UBE3A: variants seen among roughly 807,000 people sequenced by gnomAD.
The protein encoded by UBE3A is ubiquitin protein ligase E3A.
In UBE3A, 6 loss-of-function variants were observed where a neutral mutation model predicts 83.4. The observed-to-expected ratio is 0.07, with a 90% CI of 0.04 to 0.14. UBE3A has a LOEUF of 0.14. UBE3A is among the 10% of genes least tolerant of loss of function. The pLI is 1.00. For synonymous variants in UBE3A, 337 were observed against 355.4 expected (o/e 0.95, Z 0.58); for missense variants, 456 against 1,036.1 (o/e 0.44, Z 7.69).
rs748572808 is a variant in UBE3A, at chr15:25,339,114, GTTTTA to G, written c.*18_*22del. ...TCTTTTTTTTTCCTTCCTTTTTTTT[GTTTTA>G]TTTTGTTTTGTTTTGTTTTACAGCA... On this transcript the variant is annotated 3_prime_UTR_variant, in exon 13 of 13. Coordinates refer to ENST00000648336, the MANE Select transcript of UBE3A (RefSeq NM_130839.5). 75 of 1,364,114 alleles carry G rather than the reference GTTTTA, an allele frequency of 5.5e-5. No individual in the cohort carries two copies. Among genetic ancestry groups the G allele is most frequent in the South Asian group, 7.3e-5 (4 of 54,626 alleles). The allele number at this position is 1,364,114 out of a possible 1,614,324, so 84.5% of individuals were successfully genotyped here.
chr15:25,366,309 C>G (rs1470958133), intron 6 of UBE3A, among the ~76,000 whole-genome samples: 1 of 152,142 alleles, frequency 6.6e-6, no homozygotes, highest in Admixed American at 6.5e-5. Context: ...ATTTTTAAAG[C>G]TCTGTGAGTC....
At chr15:25,421,286 T>G (rs1390158170) in intron 1 of UBE3A, among the ~76,000 whole-genome samples, 2 of 152,182 alleles carry the variant, frequency 1.3e-5, no homozygotes, top group Non-Finnish European at 2.9e-5. Context: ...AAACTCACCA[T>G]GAGGGCTCCC....
intron 4 of UBE3A, among the ~76,000 whole-genome samples, chr15:25,387,580 T>C (rs987015774): frequency 1.3e-4 from 20 of 151,440 alleles, no homozygotes; most frequent in African/African-American, 4.8e-4. Context: ...TACCAACTTA[T>C]GAAACTAGAA....
chr15:25,389,311 A>G (rs2083795716), intron 4 of UBE3A, among the ~76,000 whole-genome samples: 1 of 152,104 alleles, frequency 6.6e-6, no homozygotes, highest in East Asian at 1.9e-4. Flanking sequence ...ACAAAAATAA[A>G]CTCAAAATAA....
intron 5 of UBE3A, among the ~76,000 whole-genome samples, chr15:25,372,841 T>C (rs1172878840): frequency 6.6e-6 from 1 of 152,158 alleles, no homozygotes; most frequent in Non-Finnish European, 1.5e-5. Context: ...GCGCCAAATA[T>C]ACCCTTATAC....
intron 11 of UBE3A, among the ~76,000 whole-genome samples, chr15:25,351,779 C>G (rs1244416843): frequency 1.3e-5 from 2 of 152,156 alleles, no homozygotes; most frequent in Non-Finnish European, 2.9e-5. Context: ...GATTTCATTT[C>G]TTGTTGACTG....
intron 11 of UBE3A, among the ~76,000 whole-genome samples, chr15:25,347,387 G>A (rs1181258337): frequency 6.6e-6 from 1 of 152,136 alleles, no homozygotes; most frequent in Non-Finnish European, 1.5e-5. Context: ...TACCCACAAT[G>A]ACCGTGAAAA....
rs137959861 is a variant in UBE3A at position 25,411,020 on chromosome 15, T to C, written c.-101+888A>G. On this transcript the variant is annotated intron_variant, in intron 2 of 12. Coordinates refer to ENST00000648336, the MANE Select transcript of UBE3A (RefSeq NM_130839.5). ...TTTAATTGACTAATTGACCTCAATG[T>C]AATTAAAGAGCTATATGTATTTTGA... Among the ~76,000 whole-genome samples, 3 of 152,322 alleles carry C rather than the reference T, an allele frequency of 2.0e-5. No individual in the cohort carries two copies. In the East Asian group the frequency reaches 5.8e-4, roughly 29 times the overall value.
chr15:25,354,462 T>C (rs1334859668), intron 10 of UBE3A, 36 bp from the exon 11 acceptor site: 1 of 1,611,618 alleles, frequency 6.2e-7, no homozygotes, highest in Non-Finnish European at 8.5e-7. Context: ...AGTTATCTGC[T>C]ATACTACTGT....
chr15:25,341,286 G>A (rs2074733036), intron 11 of UBE3A, among the ~76,000 whole-genome samples: 2 of 151,580 alleles, frequency 1.3e-5, no homozygotes, highest in African/African-American at 4.8e-5. Flanking sequence ...TAGCCAGGAT[G>A]GGTCTCGATC....
intron 8 of UBE3A, among the ~76,000 whole-genome samples, chr15:25,356,464 T>A (rs941935350): frequency 6.6e-6 from 1 of 152,208 alleles, no homozygotes; most frequent in African/African-American, 2.4e-5. Context: ...CACTTCTCTA[T>A]GAAATCAATC....
Position 25,355,993 on chromosome 15 carries a change from T to C in UBE3A, c.2023A>G (p.Ile675Val). ...YEGNVEDDMMITFQISQTDLF... is the reference protein window; with the variant it reads ...YEGNVEDDMMVTFQISQTDLF... ...TCTGTCTGTGATATCTGGAAAGTGA[T>C]CATCATGTCATCTTCCACATTCCCT... Residue 675 changes from isoleucine to valine, a missense_variant, in exon 9 of 13, where the codon ATC becomes GTC. Physicochemically the swap from Ile to Val is conservative, Grantham distance 29. Coordinates refer to ENST00000648336, the MANE Select transcript of UBE3A (RefSeq NM_130839.5). 6.2e-7 allele frequency: 1 copy of C among 1,613,764 alleles called. No individual in the cohort carries two copies. The highest frequency in any genetic ancestry group is 1.1e-5 in the South Asian group (1 of 91,066).
At chr15:25,429,014 T>C (rs1567185743) in intron 1 of UBE3A, among the ~76,000 whole-genome samples, 1 of 152,144 alleles carries the variant, frequency 6.6e-6, no homozygotes, top group Non-Finnish European at 1.5e-5. Context: ...TGAAGTGCCA[T>C]ACAGCAGTGA....
chr15:25,349,373 A>G (rs1256132914), intron 11 of UBE3A, among the ~76,000 whole-genome samples: 1 of 152,204 alleles, frequency 6.6e-6, no homozygotes, highest in East Asian at 1.9e-4. Context: ...ATAAAAGGAC[A>G]TAAAAAACCA....
At chr15:25,425,750 T>C (rs528934245) in intron 1 of UBE3A, among the ~76,000 whole-genome samples, 2 of 152,276 alleles carry the variant, frequency 1.3e-5, no homozygotes, top group East Asian at 3.9e-4. Flanking sequence ...TCCTCAAAAA[T>C]AGATTCTACA....
intron 6 of UBE3A, among the ~76,000 whole-genome samples, chr15:25,365,234 T>A (rs566897186): frequency 6.6e-6 from 1 of 152,232 alleles, no homozygotes; most frequent in Admixed American, 6.5e-5. Context: ...GCAGAATACC[T>A]AGCAGGATGA....
At chr15:25,347,687 G>A (rs1010938756) in intron 11 of UBE3A, among the ~76,000 whole-genome samples, 4 of 152,130 alleles carry the variant, frequency 2.6e-5, no homozygotes, top group South Asian at 2.1e-4. Flanking sequence ...GCAACAGAGC[G>A]AGACTGTGTC....
chr15:25,419,890 A>G (rs1888898151), intron 1 of UBE3A, among the ~76,000 whole-genome samples: 1 of 152,116 alleles, frequency 6.6e-6, no homozygotes, highest in East Asian at 1.9e-4. Flanking sequence ...CTGGGGGGAA[A>G]AAAAACAGAG....
At chr15:25,415,220 C>T (rs577085383) in intron 1 of UBE3A, among the ~76,000 whole-genome samples, 1 of 152,334 alleles carries the variant, frequency 6.6e-6, no homozygotes, top group Admixed American at 6.5e-5. Flanking sequence ...TTATCCTCAA[C>T]TTTGCCACTA....
Sources: gnomAD v4.1 joint callset for allele counts (sites outside exome capture counted in the v4.1 genomes callset) on GRCh38, gnomAD v4.1.1 for gene constraint, MANE v1.5 for transcripts, NCBI Gene and HGNC (gene_info 2026-07-23, HGNC 2026-07-21) for gene names.